Variants in PHOSPHO1 observed in about 807,000 individuals in gnomAD.
The protein encoded by PHOSPHO1 is phosphoethanolamine/phosphocholine phosphatase.
A neutral mutation model predicts 17.7 loss-of-function variants in PHOSPHO1; 6 were observed. The ratio of observed to expected loss-of-function variants is 0.34; its 90% CI spans 0.19 to 0.67. PHOSPHO1 has a LOEUF of 0.67. Ranked by LOEUF, PHOSPHO1 falls within the 30% of genes least tolerant of loss-of-function variation. PHOSPHO1 has a pLI of 0.69. For synonymous variants in PHOSPHO1, 159 were observed against 174.6 expected, an observed-to-expected ratio of 0.91 and a Z score of 0.71; for missense variants, 330 against 392.1, an observed-to-expected ratio of 0.84 and a Z score of 1.34.
At chr17:49,228,511 C>T (rs1219722948) in intron 1 of PHOSPHO1, among the ~76,000 whole-genome samples, 1 of 151,962 alleles carries the variant, frequency 6.6e-6, no homozygotes, top group Admixed American at 6.6e-5. Flanking sequence ...AAAATTAAGG[C>T]CGGGCGTGGT....
In PHOSPHO1 at chr17:49,224,160, A is replaced by G; in HGVS notation, c.*86T>C. 1 of 1,430,146 alleles carries G rather than the reference A, an allele frequency of 7.0e-7. No individual in the cohort carries two copies. Among genetic ancestry groups the G allele is most frequent in the Non-Finnish European group, 9.2e-7 (1 of 1,090,988 alleles). The allele number at this position is 1,430,146 out of a possible 1,614,324, so 88.6% of individuals were successfully genotyped here. Reference sequence around the variant, plus strand: ...GGGACATAACAAAGCCAAAGGGAAAAGGGAGTAGTAAAGCTGTCTTTGCCG... The same window carrying G: ...GGGACATAACAAAGCCAAAGGGAAAGGGGAGTAGTAAAGCTGTCTTTGCCG... On this transcript the variant is annotated 3_prime_UTR_variant, in exon 3 of 3. Coordinates refer to ENST00000310544, the MANE Select transcript of PHOSPHO1 (RefSeq NM_178500.4).
chr17:49,224,441 G>A lies in PHOSPHO1; in HGVS notation c.609C>T (p.Asp203=). 2 of 1,555,024 alleles carry A rather than the reference G, an allele frequency of 1.3e-6. No homozygotes were observed. Among genetic ancestry groups the A allele is most frequent in the Non-Finnish European group, 1.7e-6 (2 of 1,152,012 alleles). Residue 203 remains aspartate (D), a synonymous_variant, in exon 3 of 3, where the codon GAC becomes GAT. Transcript: ENST00000310544. ...CCATGGGGCAGAAGTCGTTGGCGCC[G>A]TCGCCCACGTAGAAGAGGCGCTCGA... is the stretch of plus-strand genomic sequence containing the variant. ...VHFERLFYVG[D]GANDFCPMGL...
intron 1 of PHOSPHO1, chr17:49,229,251 T>C (rs1202530963): frequency 2.0e-5 from 3 of 152,164 alleles, no homozygotes; most frequent in Non-Finnish European, 4.4e-5. Context: ...AAAAGGTCTC[T>C]CACCTCTGAC....
At chr17:49,228,338 A>C (rs1322847995) in intron 1 of PHOSPHO1, among the ~76,000 whole-genome samples, 1 of 134,696 alleles carries the variant, frequency 7.4e-6, no homozygotes, top group Non-Finnish European at 1.6e-5. Context: ...TTTCTATTCT[A>C]TTGATCATTA....
Position 49,225,651 on chromosome 17 carries a change from C to T in PHOSPHO1, c.46-647G>A, listed in dbSNP as rs1000641747. On this transcript the variant is annotated intron_variant, in intron 2 of 2. Transcript: ENST00000310544. ...TGTGCTGACAGCTCATCACTAATCACTTGCCAATTCCCCAGGAGGAACGTG... is the reference window on the plus strand; with the variant it reads ...TGTGCTGACAGCTCATCACTAATCATTTGCCAATTCCCCAGGAGGAACGTG... 3 of 1,290,872 alleles carry T rather than the reference C, an allele frequency of 2.3e-6. No individual in the cohort carries two copies. The African/African-American group carries it at 4.6e-5, about 20-fold the overall frequency. 80.0% of individuals were successfully genotyped at this position (1,290,872 alleles called of 1,614,324 possible). A position where few individuals can be genotyped will look rare whatever the true frequency, so the allele number is the denominator to read the frequency against.
chr17:49,229,166 G>A (rs2043389751), intron 1 of PHOSPHO1: 1 of 152,200 alleles, frequency 6.6e-6, no homozygotes, highest in Admixed American at 6.5e-5. Context: ...AGGCCATGCT[G>A]TGACACCTCG....
chr17:49,228,625 C>A (rs912554565), intron 1 of PHOSPHO1, among the ~76,000 whole-genome samples: 4 of 151,944 alleles, frequency 2.6e-5, no homozygotes, highest in African/African-American at 7.3e-5. Context: ...CCTGTCTCTA[C>A]TAAAAATACA....
intron 2 of PHOSPHO1, chr17:49,225,731 G>C (rs557409458): frequency 1.6e-6 from 2 of 1,287,086 alleles, no homozygotes; most frequent in East Asian, 5.6e-5. Flanking sequence ...AGGAGAAGCA[G>C]TGGGGCTTGG....
chr17:49,224,109 A>G lies in PHOSPHO1; in HGVS notation c.*137T>C, dbSNP rs1229483719. 6 of 1,314,750 alleles carry G rather than the reference A, an allele frequency of 4.6e-6. No individual in the cohort carries two copies. Among genetic ancestry groups the G allele is most frequent in the African/African-American group, 4.5e-5 (3 of 67,062 alleles). 81.4% of individuals were successfully genotyped at this position (1,314,750 alleles called of 1,614,324 possible). Reference sequence around the variant, plus strand: ...CTGAGCCCCCTTCCCCAAGCCCCCAAATACGAGATTCCAGAAATTCCCAGA... The same window carrying G: ...CTGAGCCCCCTTCCCCAAGCCCCCAGATACGAGATTCCAGAAATTCCCAGA... On this transcript the variant is annotated 3_prime_UTR_variant, in exon 3 of 3. Coordinates refer to ENST00000310544, the MANE Select transcript of PHOSPHO1 (RefSeq NM_178500.4).
At chr17:49,226,616 TCCTAGGAGA>T in intron 2 of PHOSPHO1, 22 bp downstream of exon 2, 1 of 1,612,430 alleles carries the variant, frequency 6.2e-7, no homozygotes, top group Admixed American at 1.7e-5. Flanking sequence ...TGAGGCCTCA[TCCTAGGAGA>T]CCCCTGGAGG....
At chr17:49,226,370 C>T (rs913332170) in intron 2 of PHOSPHO1, among the ~76,000 whole-genome samples, 2 of 152,182 alleles carry the variant, frequency 1.3e-5, no homozygotes, top group East Asian at 3.9e-4. Context: ...GCCTCCCTAA[C>T]CAAGCTGTCC....
rs983689717 is a variant in PHOSPHO1, at chr17:49,225,880, G to T, written c.45+767C>A. The T allele has an allele frequency of 8.5e-6, 10 of 1,177,622 alleles. No individual in the cohort carries two copies. In the Admixed American group the frequency reaches 1.1e-4, roughly 13 times the overall value. 72.9% of individuals were successfully genotyped at this position (1,177,622 alleles called of 1,614,324 possible). A position where few individuals can be genotyped will look rare whatever the true frequency, so the allele number is the denominator to read the frequency against. ...GGGACTTGGGGGGTGTGGAGGAGAG[G>T]GCTGAGAGGAGGTCATTCTAGGGGA... On this transcript the variant is annotated intron_variant, in intron 2 of 2. Coordinates refer to ENST00000310544, the MANE Select transcript of PHOSPHO1 (RefSeq NM_178500.4).
At chr17:49,230,194 G>A (rs901702043) in intron 1 of PHOSPHO1, among the ~76,000 whole-genome samples, 1 of 152,152 alleles carries the variant, frequency 6.6e-6, no homozygotes, top group East Asian at 1.9e-4. Flanking sequence ...GCTGGCGGGC[G>A]CTGGGCTCCA....
At chr17:49,226,196 T>A (rs2043354594) in intron 2 of PHOSPHO1, among the ~76,000 whole-genome samples, 1 of 152,066 alleles carries the variant, frequency 6.6e-6, no homozygotes, top group African/African-American at 2.4e-5. Context: ...ACTGCTTTTC[T>A]CCCGCCCAGC....
Position 49,224,663 on chromosome 17 carries a change from C to T in PHOSPHO1, c.387G>A (p.Val129=). ...GGCCGGCGGCGCGCAGCGAGCTCTC[C>T]ACGCCAAAGGTGTTGGCATCGGAGA... ...ILISDANTFG[V]ESSLRAAGHH... The change falls in exon 3 of 3, where the codon GTG becomes GTA. Residue 129 remains valine (V), a synonymous_variant. Coordinates refer to ENST00000310544, the MANE Select transcript of PHOSPHO1 (RefSeq NM_178500.4). The T allele has an allele frequency of 1.3e-6, 2 of 1,588,408 alleles. No individual in the cohort carries two copies. Among genetic ancestry groups the T allele is most frequent in the East Asian group, 2.3e-5 (1 of 44,004 alleles).
At chr17:49,225,890 A>T (rs963576234) in intron 2 of PHOSPHO1, 6 of 1,157,060 alleles carry the variant, frequency 5.2e-6, no homozygotes, top group Admixed American at 7.6e-5. Context: ...GGCTGAGAGG[A>T]GGTCATTCTA....
Position 49,223,957 on chromosome 17 carries a change from C to T in PHOSPHO1, c.*289G>A. The stretch of plus-strand genomic sequence containing the variant: ...GCCCCTTCCTCCCAGTTGGGAGGAC[C>T]AGGAAATACTGCTGCCTTCCAAGGT... On this transcript the variant is annotated 3_prime_UTR_variant, in exon 3 of 3. Coordinates refer to ENST00000310544, the MANE Select transcript of PHOSPHO1 (RefSeq NM_178500.4). The T allele has an allele frequency of 2.8e-6, 1 of 357,258 alleles. No individual in the cohort carries two copies. The highest frequency in any genetic ancestry group is 5.0e-6 in the Non-Finnish European group (1 of 200,236). The allele number at this position is 357,258 out of a possible 1,614,324, so 22.1% of individuals were successfully genotyped here. A position where few individuals can be genotyped will look rare whatever the true frequency, so the allele number is the denominator to read the frequency against.
Position 49,228,270 on chromosome 17 carries a change from T to C in PHOSPHO1, c.-67-1512A>G, listed in dbSNP as rs1489171206. On this transcript the variant is annotated intron_variant, in intron 1 of 2. Coordinates refer to ENST00000310544, the MANE Select transcript of PHOSPHO1 (RefSeq NM_178500.4). ...TCTCCTTCCTTCCTTCCTTCCTTCC[T>C]TCCTTCCTTCCTTCCTTCCTTCCTT... is the stretch of plus-strand genomic sequence containing the variant. Among the ~76,000 whole-genome samples, 5 of 100,836 alleles carry C rather than the reference T, an allele frequency of 5.0e-5. No homozygotes were observed. In the East Asian group the frequency reaches 1.5e-3, roughly 30 times the overall value. 66.2% of individuals were successfully genotyped at this position (100,836 alleles called of 152,430 possible).
At position 49,225,016 on chromosome 17, in the gene PHOSPHO1, G is replaced by A; in HGVS notation, c.46-12C>T. On this transcript the variant is annotated splice_polypyrimidine_tract_variant and intron_variant, in intron 2 of 2. Coordinates refer to ENST00000310544, the MANE Select transcript of PHOSPHO1 (RefSeq NM_178500.4). ...GCCATCCTGCCGTCCTGGGAGCAGG[G>A]GGGAGAGCAGCAGGAGGAGGAGGAG... 1 of 1,495,284 alleles carries A rather than the reference G, an allele frequency of 6.7e-7. No individual in the cohort carries two copies. Among genetic ancestry groups the A allele is most frequent in the Non-Finnish European group, 8.9e-7 (1 of 1,123,134 alleles). The allele number at this position is 1,495,284 out of a possible 1,614,324, so 92.6% of individuals were successfully genotyped here. A position where few individuals can be genotyped will look rare whatever the true frequency, so the allele number is the denominator to read the frequency against.
Sources: allele counts gnomAD v4.1 joint callset (sites outside exome capture counted in the v4.1 genomes callset), GRCh38; gene constraint gnomAD v4.1.1; transcripts MANE v1.5; gene names NCBI Gene and HGNC (gene_info 2026-07-23, HGNC 2026-07-21).